Variants in PPIL4 observed in about 807,000 individuals in gnomAD.
PPIL4 encodes peptidyl-prolyl cis-trans isomerase-like 4.
A neutral mutation model predicts 69.1 loss-of-function variants in PPIL4; 50 were observed. The observed-to-expected ratio is 0.72, with a 90% CI of 0.58 to 0.92. PPIL4 has a LOEUF of 0.92. Among genes scored for constraint, PPIL4 ranks in the 40% least tolerant of loss-of-function variants. The probability of loss-of-function intolerance (pLI) is 0.00; values close to 1 mark genes in which losing one functional copy is unlikely to be tolerated. For synonymous variants in PPIL4, 193 were observed against 191.6 expected (o/e 1.01, Z -0.06); for missense variants, 480 against 587.9 (o/e 0.82, Z 1.90).
chr6:149,505,628 C>T lies in PPIL4; in HGVS notation c.1304G>A (p.Arg435Lys). Residue 435 changes from arginine (R) to lysine (K), a missense_variant, in exon 13 of 13, where the codon AGA becomes AAA. By Grantham distance (26) the Arg-to-Lys change is conservative (BLOSUM62 2). Coordinates refer to ENST00000253329, the MANE Select transcript of PPIL4 (RefSeq NM_139126.4). ...ACGACTTCGGTTCTGAGTTCGGTCTCTCTTTTCACTCTTTTGTTTCTCCCA... is the reference window on the plus strand; with the variant it reads ...ACGACTTCGGTTCTGAGTTCGGTCTTTCTTTTCACTCTTTTGTTTCTCCCA... ...SCWEKQKSEK[R>K]DRTQNRSRSR... is the part of the protein sequence containing the mutation. The T allele has an allele frequency of 1.2e-6, 2 of 1,614,156 alleles. No individual in the cohort carries two copies. The highest frequency in any genetic ancestry group is 2.2e-5 in the South Asian group (2 of 91,080).
intron 10 of PPIL4, among the ~76,000 whole-genome samples, chr6:149,518,428 AC>A (rs1358267900): frequency 6.6e-6 from 1 of 152,166 alleles, no homozygotes; most frequent in Non-Finnish European, 1.5e-5. Flanking sequence ...AAGGCTTCCT[AC>A]AGAAGGGTCC....
chr6:149,519,111 AT>A (rs1277231871), intron 10 of PPIL4, among the ~76,000 whole-genome samples: 6 of 152,202 alleles, frequency 3.9e-5, no homozygotes, highest in Non-Finnish European at 7.4e-5. Context: ...GAAGAAATTT[AT>A]TTAAAAGTCA....
intron 10 of PPIL4, among the ~76,000 whole-genome samples, chr6:149,519,073 T>C (rs779110148): frequency 3.9e-5 from 6 of 152,192 alleles, no homozygotes; most frequent in African/African-American, 1.2e-4. Flanking sequence ...CTCCCTCCTA[T>C]GTGACATTTT....
chr6:149,539,552 A>AT (rs1041739581), intron 4 of PPIL4, among the ~76,000 whole-genome samples: 1 of 152,016 alleles, frequency 6.6e-6, no homozygotes, highest in African/African-American at 2.4e-5. Context: ...TAATTTTTGT[A>AT]TTTTTTTGTG....
chr6:149,512,342 TG>T, intron 11 of PPIL4, 40 bp from the exon 12 acceptor site: 1 of 1,484,604 alleles, frequency 6.7e-7, no homozygotes, highest in African/African-American at 1.4e-5. Context: ...TAAATAATAC[TG>T]GTAAGACATC....
intron 9 of PPIL4, among the ~76,000 whole-genome samples, chr6:149,523,950 A>G (rs1354752187): frequency 1.3e-5 from 2 of 152,160 alleles, no homozygotes; most frequent in African/African-American, 4.8e-5. Context: ...GCCTACATAT[A>G]ACTTTATGGT....
chr6:149,505,326 A>G lies in PPIL4; in HGVS notation c.*127T>C. The G allele has an allele frequency of 2.4e-6, 2 of 829,188 alleles. No homozygotes were observed. The highest frequency in any genetic ancestry group is 3.8e-6 in the Non-Finnish European group (2 of 525,244). 51.4% of individuals were successfully genotyped at this position (829,188 alleles called of 1,614,324 possible). ...TGCTCTATATAATCAGTATTAATCT[A>G]AAGACCATAATCCTAGTATGAAAAA... is the stretch of plus-strand genomic sequence containing the variant. On this transcript the variant is annotated 3_prime_UTR_variant, in exon 13 of 13. Coordinates refer to ENST00000253329, the MANE Select transcript of PPIL4 (RefSeq NM_139126.4).
intron 11 of PPIL4, among the ~76,000 whole-genome samples, chr6:149,516,735 T>C (rs1276081882): frequency 1.3e-5 from 2 of 152,196 alleles, no homozygotes; most frequent in African/African-American, 2.4e-5. Context: ...AAGTGAACTC[T>C]TGCACTCAGT....
At chr6:149,524,964 C>T (rs1352868120) in intron 9 of PPIL4, among the ~76,000 whole-genome samples, 179 bp downstream of exon 9, 1 of 151,478 alleles carries the variant, frequency 6.6e-6, no homozygotes, top group African/African-American at 2.4e-5. Context: ...AGTAAAAGTA[C>T]GTATGTTAAC....
intron 4 of PPIL4, among the ~76,000 whole-genome samples, chr6:149,538,694 C>T (rs1014190413): frequency 3.3e-5 from 5 of 152,124 alleles, no homozygotes; most frequent in Admixed American, 3.3e-4. Context: ...CTCAAGACTT[C>T]AGTGAAGGAA....
chr6:149,511,921 C>T (rs1776849480), intron 12 of PPIL4, among the ~76,000 whole-genome samples: 1 of 152,132 alleles, frequency 6.6e-6, no homozygotes, highest in Admixed American at 6.5e-5. Context: ...TCTTGCTTCA[C>T]AATGTGGAAG....
At chr6:149,524,630 T>G (rs1777079703) in intron 9 of PPIL4, among the ~76,000 whole-genome samples, 1 of 152,222 alleles carries the variant, frequency 6.6e-6, no homozygotes, top group Non-Finnish European at 1.5e-5. Context: ...CTGAGTGTTG[T>G]GGCTTATGCC....
At chr6:149,515,233 C>G (rs1448058643) in intron 11 of PPIL4, among the ~76,000 whole-genome samples, 1 of 151,090 alleles carries the variant, frequency 6.6e-6, no homozygotes, top group Non-Finnish European at 1.5e-5. Context: ...GCAATCCTCC[C>G]ACCTCGGCCT....
intron 11 of PPIL4, among the ~76,000 whole-genome samples, chr6:149,514,727 T>C (rs1449309551): frequency 6.6e-6 from 1 of 151,368 alleles, no homozygotes; most frequent in Non-Finnish European, 1.5e-5. Context: ...ATACAGTATA[T>C]GCCTAAAAAA....
intron 4 of PPIL4, among the ~76,000 whole-genome samples, chr6:149,539,553 T>A (rs1419225706): frequency 6.6e-6 from 1 of 152,156 alleles, no homozygotes; most frequent in Non-Finnish European, 1.5e-5. Context: ...AATTTTTGTA[T>A]TTTTTTGTGG....
intron 11 of PPIL4, among the ~76,000 whole-genome samples, chr6:149,513,659 TACA>T (rs1776895898): frequency 6.6e-6 from 1 of 151,466 alleles, no homozygotes; most frequent in Non-Finnish European, 1.5e-5. Flanking sequence ...ACATATACCA[TACA>T]ACGATTATAA....
chr6:149,543,169 G>C (rs975475250), intron 1 of PPIL4, among the ~76,000 whole-genome samples: 1 of 152,170 alleles, frequency 6.6e-6, no homozygotes, highest in African/African-American at 2.4e-5. Flanking sequence ...CAGACATCAA[G>C]TGCCTCCTGA....
chr6:149,537,692 C>A (rs1408117919), intron 4 of PPIL4, among the ~76,000 whole-genome samples: 3 of 149,388 alleles, frequency 2.0e-5, no homozygotes, highest in African/African-American at 7.4e-5. Context: ...GGCGACAGAG[C>A]AAGACTCCAT....
chr6:149,539,071 T>G (rs1777322186), intron 4 of PPIL4, among the ~76,000 whole-genome samples: 1 of 152,112 alleles, frequency 6.6e-6, no homozygotes, highest in Non-Finnish European at 1.5e-5. Flanking sequence ...GGTCACAAAC[T>G]CCTGACCTCA....
Sources: gnomAD v4.1 joint callset for allele counts (sites outside exome capture counted in the v4.1 genomes callset) on GRCh38, gnomAD v4.1.1 for gene constraint, MANE v1.5 for transcripts, NCBI Gene and HGNC (gene_info 2026-07-23, HGNC 2026-07-21) for gene names.